The following MUC6 variants were observed in gnomAD, a reference collection of about 807,000 sequenced individuals.
MUC6 encodes mucin-6.
A neutral mutation model predicts 201.5 loss-of-function variants in MUC6; 188 were observed. The observed-to-expected ratio is 0.93, with a 90% CI of 0.83 to 1.05. The LOEUF (loss-of-function observed/expected upper bound fraction) is 1.05. MUC6 is among the 50% of genes least tolerant of loss of function. The probability of loss-of-function intolerance (pLI) is 0.00; values close to 1 mark genes in which losing one functional copy is unlikely to be tolerated. For synonymous variants in MUC6, 1,228 were observed against 1,389.4 expected (o/e 0.88, Z 2.58); for missense variants, 2,706 against 3,256.9 (o/e 0.83, Z 4.12).
chr11:1,020,224 C>T lies in MUC6; in HGVS notation c.3674G>A (p.Gly1225Glu). 6.2e-7 allele frequency: 1 copy of T among 1,610,388 alleles called. No individual in the cohort carries two copies. Among genetic ancestry groups the T allele is most frequent in the Non-Finnish European group, 8.5e-7 (1 of 1,178,998 alleles). The change falls in exon 29 of 33, where the codon GGA (glycine) becomes GAA (glutamate). Residue 1225 changes from glycine (G) to glutamate (E), a missense_variant. Physicochemically the swap from Gly to Glu is moderately conservative, Grantham distance 98. This residue lies in a region of MUC6 where 1,850 missense variants were observed against 1,958.3 expected (regional missense o/e 0.94). Coordinates refer to ENST00000421673, the MANE Select transcript of MUC6 (RefSeq NM_005961.3). ...GAGAAGCCCGATGGTGGTGGAGGTTCCCGTCATGGGCCAGACTTGCGTGGG... is the reference window on the plus strand; with the variant it reads ...GAGAAGCCCGATGGTGGTGGAGGTTTCCGTCATGGGCCAGACTTGCGTGGG... The part of the protein sequence containing the change: ...SRPTQVWPMT[G>E]TSTTIGLLSS...
Position 1,028,366 on chromosome 11 carries a change from C to T in MUC6, c.1613G>A (p.Gly538Glu). 6.2e-7 allele frequency: 1 copy of T among 1,612,518 alleles called. No homozygotes were observed. The highest frequency in any genetic ancestry group is 1.1e-5 in the South Asian group (1 of 91,072). The stretch of plus-strand genomic sequence containing the variant: ...AGTGGTGAAGTCATCCGTTGTGTCC[C>T]CGTTGAAGTTGCCGCAGAGCCCTGA... ...QTRGLCGNFN[G>E]DTTDDFTTSM... The change falls in exon 14 of 33, where the codon GGG becomes GAG. Residue 538 changes from glycine to glutamate, a missense_variant. Gly to Glu is a moderately conservative substitution (Grantham distance 98). Coordinates refer to ENST00000421673, the MANE Select transcript of MUC6 (RefSeq NM_005961.3).
At chr11:1,022,225 G>A (rs1206053655) in intron 26 of MUC6, among the ~76,000 whole-genome samples, 1 of 122,466 alleles carries the variant, frequency 8.2e-6, no homozygotes, top group Non-Finnish European at 1.7e-5. Flanking sequence ...GCAGCCCTGT[G>A]CCCCTCACTC....
In MUC6 at chr11:1,031,986, G is replaced by A. The variant is rs769255270; in HGVS notation, c.183C>T (p.Tyr61=). 1.2e-5 allele frequency: 20 copies of A among 1,613,614 alleles called. No homozygotes were observed. The highest frequency in any genetic ancestry group is 5.3e-5 in the African/African-American group (4 of 75,044). The part of the protein sequence containing the change: ...GHFSTFDHHV[Y]DFSGTCNYIF... ...TGTAGTTGCACGTCCCCGAGAAGTC[G>A]TACACGTGGTGGTCGAAGGTGGAGA... Residue 61 remains tyrosine, a synonymous_variant, in exon 3 of 33, where the codon TAC becomes TAT. Coordinates refer to ENST00000421673, the MANE Select transcript of MUC6 (RefSeq NM_005961.3).
chr11:1,016,118 A>G lies in MUC6; in HGVS notation c.6683T>C (p.Ile2228Thr). ...SPFTLSALLP[I>T]STVTVSPTPS... ...GGTGGGAGACACGGTAACAGTGGAT[A>G]TGGGGAGTAGAGCAGAGAGGGTGAA... Residue 2228 changes from isoleucine (I) to threonine (T), a missense_variant, in exon 31 of 33, where the codon ATA (isoleucine) becomes ACA (threonine). Physicochemically the swap from Ile to Thr is moderately conservative, Grantham distance 89. Transcript: ENST00000421673. 8 of 1,613,522 alleles carry G rather than the reference A, an allele frequency of 5.0e-6. No homozygotes were observed. Among genetic ancestry groups the G allele is most frequent in the South Asian group, 1.1e-5 (1 of 91,042 alleles).
Position 1,018,414 on chromosome 11 carries a change from T to C in MUC6, c.4387A>G (p.Ile1463Val). 6.2e-7 allele frequency: 1 copy of C among 1,614,084 alleles called. No individual in the cohort carries two copies. Among genetic ancestry groups the C allele is most frequent in the Non-Finnish European group, 8.5e-7 (1 of 1,179,878 alleles). The change falls in exon 31 of 33, where the codon ATC becomes GTC. Residue 1463 changes from isoleucine (I) to valine (V), a missense_variant. Around this residue, in one of 10 missense-constraint regions of MUC6, gnomAD observed 128 missense variants for 206.5 expected, o/e 0.62. Coordinates refer to ENST00000421673, the MANE Select transcript of MUC6 (RefSeq NM_005961.3). The stretch of plus-strand genomic sequence containing the variant: ...GCCATCTGTGCGTGGGTAGGGGTGA[T>C]GACTGTGTGAGTACTTGGAGTCACC... ...SLVTPSTHTV[I>V]TPTHAQMATS...
chr11:1,032,090 C>A (rs1268703152), intron 2 of MUC6, 37 bp from the exon 3 acceptor site: 4 of 1,602,504 alleles, frequency 2.5e-6, no homozygotes, highest in African/African-American at 1.3e-5. Flanking sequence ...CCCTGTGTCC[C>A]CACCATCCTG....
chr11:1,025,116 G>A (rs1237780457), intron 23 of MUC6, 33 bp from the exon 24 acceptor site: 2 of 1,612,132 alleles, frequency 1.2e-6, no homozygotes, highest in Middle Eastern at 1.6e-4. Context: ...GGGCCCAGGG[G>A]CCGTGCCATC....
chr11:1,028,215 C>G lies in MUC6; in HGVS notation c.1753+11G>C, dbSNP rs371673314. 1 of 1,559,152 alleles carries G rather than the reference C, an allele frequency of 6.4e-7. No homozygotes were observed. The highest frequency in any genetic ancestry group is 8.7e-7 in the Non-Finnish European group (1 of 1,151,518). On this transcript the variant is annotated intron_variant, in intron 14 of 32. Coordinates refer to ENST00000421673, the MANE Select transcript of MUC6 (RefSeq NM_005961.3). ...GGGGGCAGCCAGGGGAGTGGGGGGC[C>G]GGACACTCACTGTTGAGCTGGCTCA...
chr11:1,014,776 C>G (rs568029414), intron 31 of MUC6, among the ~76,000 whole-genome samples: 1 of 152,188 alleles, frequency 6.6e-6, no homozygotes, highest in Admixed American at 6.5e-5. Context: ...CCTACCTGCC[C>G]GCTGCAGAGG....
rs538918815 is a variant in MUC6 at position 1,021,432 on chromosome 11, AC to A, written c.3527-156del. Among the ~76,000 whole-genome samples the A allele has an allele frequency of 1.8e-3, 260 of 145,462 alleles. 2 individuals are homozygous for A. The highest frequency in any genetic ancestry group is 2.1e-3 in the South Asian group (10 of 4,652). On this transcript the variant is annotated intron_variant, in intron 26 of 32. Coordinates refer to ENST00000421673, the MANE Select transcript of MUC6 (RefSeq NM_005961.3). ...GTCGCCCAGGCTGGAGTGCAGTGGC[AC>A]AATCTTCGCTCACTGCAACCTCTGC...
At position 1,025,419 on chromosome 11, in the gene MUC6, G is replaced by A. The variant is rs1042037423; in HGVS notation, c.2800-52C>T. On this transcript the variant is annotated intron_variant, in intron 22 of 32. Transcript: ENST00000421673. The stretch of plus-strand genomic sequence containing the variant: ...GCCTGTCTGTCTCCCCCGGCCCCTG[G>A]CACAGCCGTGCTGGACCGAGCTCTC... 7.6e-6 allele frequency: 12 copies of A among 1,570,838 alleles called. 1 individual carries two copies. Among genetic ancestry groups the A allele is most frequent in the Middle Eastern group, 1.9e-4 (1 of 5,242 alleles).
chr11:1,029,096 C>A lies in MUC6; in HGVS notation c.1330G>T (p.Val444Phe), dbSNP rs765715365. ...ACCAGGGAGGTCTCGGAGTGTGAGACGCCGGACTTGTCGTACACAGCCATG... is the reference window on the plus strand; with the variant it reads ...ACCAGGGAGGTCTCGGAGTGTGAGAAGCCGGACTTGTCGTACACAGCCATG... The part of the protein sequence containing the change: ...ALMAVYDKSG[V>F]SHSETSLVAV... Residue 444 changes from valine to phenylalanine, a missense_variant, in exon 11 of 33, where the codon GTC becomes TTC. By Grantham distance (50) the Val-to-Phe change is conservative. This residue lies in a region of MUC6 where 1,850 missense variants were observed against 1,958.3 expected (regional missense o/e 0.94). Coordinates refer to ENST00000421673, the MANE Select transcript of MUC6 (RefSeq NM_005961.3). 62 of 1,612,606 alleles carry A rather than the reference C, an allele frequency of 3.8e-5. 1 individual carries two copies. In the Middle Eastern group the frequency reaches 8.2e-4, roughly 21 times the overall value.
chr11:1,031,292 G>A (rs918815383), intron 4 of MUC6, 33 bp from the exon 5 acceptor site: 1 of 1,541,230 alleles, frequency 6.5e-7, no homozygotes. Context: ...GGGCCCGGGG[G>A]CCAGGGGCCC....
chr11:1,026,655 C>T (rs954352269), intron 19 of MUC6, among the ~76,000 whole-genome samples, 177 bp from the exon 20 acceptor site: 4 of 152,254 alleles, frequency 2.6e-5, no homozygotes, highest in East Asian at 1.9e-4. Flanking sequence ...TCCCCCACCT[C>T]GTGGAAGGTC....
intron 1 of MUC6, among the ~76,000 whole-genome samples, chr11:1,034,933 T>C (rs1298356645): frequency 6.6e-6 from 1 of 152,142 alleles, no homozygotes; most frequent in Non-Finnish European, 1.5e-5. Context: ...AGCGGGAGAC[T>C]CCTGCGTTCC....
At position 1,018,790 on chromosome 11, in the gene MUC6, T is replaced by C. The variant is rs943408011; in HGVS notation, c.4031-20A>G. ...ATTTTGCTGTGGGAATTGGTGAAGT[T>C]GTCATCGTTATTGTTTTTGTTTCTC... On this transcript the variant is annotated intron_variant, in intron 30 of 32. Coordinates refer to ENST00000421673, the MANE Select transcript of MUC6 (RefSeq NM_005961.3). 5.8e-6 allele frequency: 9 copies of C among 1,542,192 alleles called. No individual in the cohort carries two copies. The highest frequency in any genetic ancestry group is 7.8e-6 in the Non-Finnish European group (9 of 1,149,510).
chr11:1,026,161 G>A lies in MUC6; in HGVS notation c.2547-20C>T. 1 of 1,583,568 alleles carries A rather than the reference G, an allele frequency of 6.3e-7. No individual in the cohort carries two copies. Among genetic ancestry groups the A allele is most frequent in the South Asian group, 1.2e-5 (1 of 86,860 alleles). Reference sequence around the variant, plus strand: ...CAGGAGCTGTGGAGACAGCAGGTGTGGGTGGTGGGCCTGCGGCCCTCCTGC... The same window carrying A: ...CAGGAGCTGTGGAGACAGCAGGTGTAGGTGGTGGGCCTGCGGCCCTCCTGC... On this transcript the variant is annotated intron_variant, in intron 20 of 32. Transcript: ENST00000421673.
chr11:1,021,369 T>C (rs1279008809), intron 26 of MUC6, 92 bp from the exon 27 acceptor site: 7 of 122,176 alleles, frequency 5.7e-5, no homozygotes, highest in Non-Finnish European at 9.9e-5. Flanking sequence ...TCCTCTCTGC[T>C]TTTTTTTTTT....
Position 1,016,352 on chromosome 11 carries a change from G to C in MUC6, c.6449C>G (p.Ser2150Cys). ...TVSSYVPSSHSSPQTSSPSVG... is the reference protein window; with the variant it reads ...TVSSYVPSSHCSPQTSSPSVG... ...AGAAGGCGATGAAGTCTGGGGAGAG[G>C]AGTGGGAGGAGGGCACATAAGAAGA... Residue 2150 changes from serine (S) to cysteine (C), a missense_variant, in exon 31 of 33, where the codon TCC becomes TGC. Physicochemically the swap from Ser to Cys is moderately radical, Grantham distance 112. Transcript: ENST00000421673. 1 of 1,611,596 alleles carries C rather than the reference G, an allele frequency of 6.2e-7. No individual in the cohort carries two copies. Among genetic ancestry groups the C allele is most frequent in the Non-Finnish European group, 8.5e-7 (1 of 1,178,782 alleles).
Sources: gnomAD v4.1 joint callset for allele counts (sites outside exome capture counted in the v4.1 genomes callset) on GRCh38, gnomAD v4.1.1 for gene constraint, gnomAD v4.1.1 regional missense constraint, MANE v1.5 for transcripts, NCBI Gene and HGNC (gene_info 2026-07-23, HGNC 2026-07-21) for gene names.